Variants in ANKS1B observed in about 807,000 individuals in gnomAD.
ANKS1B encodes ankyrin repeat and sterile alpha motif domain containing 1B, also known as ankyrin repeat and sterile alpha motif domain-containing protein 1B.
A neutral mutation model predicts 148.3 loss-of-function variants in ANKS1B; 36 were observed. The observed-to-expected ratio is 0.24, with a 90% CI of 0.19 to 0.32. The LOEUF (loss-of-function observed/expected upper bound fraction) is 0.32. Among genes scored for constraint, ANKS1B ranks in the 10% least tolerant of loss-of-function variants. ANKS1B has a pLI of 1.00. For synonymous variants in ANKS1B, 542 were observed against 560.8 expected (o/e 0.97, Z 0.47); for missense variants, 1,157 against 1,542.6 (o/e 0.75, Z 4.19).
At chr12:99,084,890 G>A (rs761783175) in intron 16 of ANKS1B, 35 bp downstream of exon 16, 33 of 1,532,960 alleles carry the variant, frequency 2.2e-5, no homozygotes, top group African/African-American at 4.1e-5. Context: ...ACTGGGAACC[G>A]TACACAGGAC....
chr12:99,919,129 T>C (rs1012696733), intron 1 of ANKS1B, among the ~76,000 whole-genome samples: 9 of 152,198 alleles, frequency 5.9e-5, no homozygotes, highest in Admixed American at 4.6e-4. Flanking sequence ...CCCTGGGAAC[T>C]AGTATTCAAA....
At chr12:99,080,354 C>T (rs1422898470) in intron 16 of ANKS1B, among the ~76,000 whole-genome samples, 2 of 151,962 alleles carry the variant, frequency 1.3e-5, no homozygotes, top group Admixed American at 1.3e-4. Context: ...TGTAGGAGGT[C>T]GCAGCAGAGA....
At chr12:99,334,833 C>G (rs1344205164) in intron 12 of ANKS1B, among the ~76,000 whole-genome samples, 1 of 152,006 alleles carries the variant, frequency 6.6e-6, no homozygotes, top group Non-Finnish European at 1.5e-5. Flanking sequence ...GTTCCTCATG[C>G]AAATTCAAGG....
chr12:98,756,724 TATC>T (rs147807812), intron 25 of ANKS1B, among the ~76,000 whole-genome samples: 29 of 141,362 alleles, frequency 2.1e-4, no homozygotes, highest in African/African-American at 4.6e-4. Context: ...AGACTCCATC[TATC>T]TTTTTTTTTT....
chr12:99,267,386 T>C (rs760074882), intron 12 of ANKS1B, among the ~76,000 whole-genome samples: 1 of 152,174 alleles, frequency 6.6e-6, no homozygotes, highest in Non-Finnish European at 1.5e-5. Context: ...GATATGTCAG[T>C]ACTAATTTAG....
intron 8 of ANKS1B, among the ~76,000 whole-genome samples, chr12:99,678,497 TCA>T (rs1286121517): frequency 1.3e-5 from 2 of 152,170 alleles, no homozygotes; most frequent in African/African-American, 4.8e-5. Flanking sequence ...GGAACAAATG[TCA>T]CAGATTCCCG....
chr12:99,428,692 C>T (rs1410412085), intron 11 of ANKS1B, among the ~76,000 whole-genome samples: 1 of 152,130 alleles, frequency 6.6e-6, no homozygotes, highest in Non-Finnish European at 1.5e-5. Flanking sequence ...TACAAATATT[C>T]TCTAGCCCTG....
chr12:99,425,387 T>C (rs1001506849), intron 11 of ANKS1B, among the ~76,000 whole-genome samples: 1 of 151,982 alleles, frequency 6.6e-6, no homozygotes, highest in African/African-American at 2.4e-5. Flanking sequence ...TAAATAGTAG[T>C]ACAATGAATT....
intron 12 of ANKS1B, among the ~76,000 whole-genome samples, chr12:99,384,641 C>T (rs2093783957): frequency 6.6e-6 from 1 of 151,658 alleles, no homozygotes; most frequent in Admixed American, 6.6e-5. Context: ...TCTCCCTCCC[C>T]TCCCCTCCTC....
intron 8 of ANKS1B, among the ~76,000 whole-genome samples, chr12:99,675,234 G>C (rs892673347): frequency 6.6e-6 from 1 of 151,874 alleles, no homozygotes; most frequent in African/African-American, 2.4e-5. Context: ...TCTATACTAA[G>C]AGAATAAATG....
chr12:98,758,951 T>C (rs2098333644), intron 25 of ANKS1B, among the ~76,000 whole-genome samples: 1 of 151,398 alleles, frequency 6.6e-6, no homozygotes, highest in African/African-American at 2.4e-5. Flanking sequence ...ATTTTTTTTT[T>C]TTTTTTTATG....
At chr12:99,416,899 T>C (rs1192691641) in intron 11 of ANKS1B, among the ~76,000 whole-genome samples, 1 of 152,154 alleles carries the variant, frequency 6.6e-6, no homozygotes, top group African/African-American at 2.4e-5. Context: ...TATTCTTTGA[T>C]AGAGCATAAA....
At chr12:99,289,003 GAAAAACATTTCACCTAT>G (rs767484190) in intron 12 of ANKS1B, among the ~76,000 whole-genome samples, 11 of 151,738 alleles carry the variant, frequency 7.2e-5, no homozygotes, top group East Asian at 1.9e-4. Context: ...TCCGCTACAA[GAAAAACATTTCACCTAT>G]AAAAACATTT....
At chr12:99,566,049 G>A (rs2097389568) in intron 9 of ANKS1B, among the ~76,000 whole-genome samples, 1 of 151,924 alleles carries the variant, frequency 6.6e-6, no homozygotes, top group African/African-American at 2.4e-5. Context: ...GATATTTTTA[G>A]CAAAAGTCAC....
intron 15 of ANKS1B, among the ~76,000 whole-genome samples, chr12:99,093,791 G>T (rs909168659): frequency 2.7e-4 from 41 of 152,154 alleles, no homozygotes; most frequent in Non-Finnish European, 4.6e-4. Context: ...GGATGATGGG[G>T]TCTCTTGACA....
At chr12:99,684,470 A>C (rs1254136269) in intron 8 of ANKS1B, among the ~76,000 whole-genome samples, 1 of 152,152 alleles carries the variant, frequency 6.6e-6, no homozygotes, top group Non-Finnish European at 1.5e-5. Context: ...GCTGAAAGAA[A>C]TCATAGATGA....
At chr12:98,908,033 A>C (rs1231215900) in intron 17 of ANKS1B, among the ~76,000 whole-genome samples, 1 of 152,142 alleles carries the variant, frequency 6.6e-6, no homozygotes, top group African/African-American at 2.4e-5. Flanking sequence ...GCAGTGTGAG[A>C]ACAGACTGAT....
intron 10 of ANKS1B, among the ~76,000 whole-genome samples, chr12:99,492,542 C>G (rs1026318074): frequency 4.6e-5 from 7 of 152,192 alleles, no homozygotes; most frequent in Non-Finnish European, 1.0e-4. Flanking sequence ...CTTGCGACCT[C>G]ATCCTATGAG....
intron 1 of ANKS1B, among the ~76,000 whole-genome samples, chr12:99,908,903 C>A (rs2093894558): frequency 6.6e-6 from 1 of 152,030 alleles, no homozygotes; most frequent in Non-Finnish European, 1.5e-5. Context: ...GATGTGATAT[C>A]ATTCTGTACA....
Sources: allele counts gnomAD v4.1 joint callset (sites outside exome capture counted in the v4.1 genomes callset), GRCh38; gene constraint gnomAD v4.1.1; transcripts MANE v1.5; gene names NCBI Gene and HGNC (gene_info 2026-07-23, HGNC 2026-07-21).